Variants in GLB1L3 observed in about 807,000 individuals in gnomAD.
GLB1L3 encodes galactosidase beta 1 like 3.
GLB1L3 carries 89 observed loss-of-function variants against 89.5 expected under a neutral mutation model. The observed-to-expected ratio is 0.99, with a 90% CI of 0.84 to 1.19. The LOEUF (loss-of-function observed/expected upper bound fraction) is 1.19, where lower values mean the gene tolerates loss of function less well. GLB1L3 is among the 50% of genes most tolerant of loss of function. GLB1L3 has a pLI of 0.00. For synonymous variants in GLB1L3, 314 were observed against 312.3 expected (o/e 1.01, Z -0.06); for missense variants, 812 against 813.3 (o/e 1.00, Z 0.02).
At chr11:134,307,870 G>A (rs1252551872) in intron 10 of GLB1L3, among the ~76,000 whole-genome samples, 1 of 152,148 alleles carries the variant, frequency 6.6e-6, no homozygotes, top group African/African-American at 2.4e-5. Flanking sequence ...TTAGAGCAAT[G>A]CCTGGCAGTC....
At chr11:134,305,140 T>G in intron 9 of GLB1L3, 3 of 1,524,472 alleles carry the variant, frequency 2.0e-6, no homozygotes, top group Non-Finnish European at 2.7e-6. Context: ...GCAGGACTGC[T>G]CTCAGATGCC....
intron 3 of GLB1L3, among the ~76,000 whole-genome samples, chr11:134,280,850 C>T (rs1281679454): frequency 6.6e-6 from 1 of 152,186 alleles, no homozygotes; most frequent in Admixed American, 6.5e-5. Flanking sequence ...CAAAAAAACA[C>T]AGTTGCCTAG....
At chr11:134,287,249 C>T (rs1053007215) in intron 6 of GLB1L3, 22 of 152,266 alleles carry the variant, frequency 1.4e-4, no homozygotes, top group African/African-American at 1.2e-4. Context: ...ATGTATGCAA[C>T]GAGGAAAGCT....
At chr11:134,304,013 T>C (rs1942068232) in intron 9 of GLB1L3, among the ~76,000 whole-genome samples, 1 of 152,160 alleles carries the variant, frequency 6.6e-6, no homozygotes, top group South Asian at 2.1e-4. Flanking sequence ...TTTTGTTTTC[T>C]GCAGTTGAAC....
downstream of GLB1L3, among the ~76,000 whole-genome samples, chr11:134,320,635 T>C (rs186922981): frequency 5.1e-4 from 77 of 151,962 alleles, no homozygotes; most frequent in East Asian, 0.014. Context: ...CAAATATGAA[T>C]GCAAAAATGC....
intron 6 of GLB1L3, among the ~76,000 whole-genome samples, chr11:134,286,372 G>A (rs543015364): frequency 3.3e-5 from 5 of 152,338 alleles, no homozygotes; most frequent in Middle Eastern, 3.4e-3. Flanking sequence ...CTCTGGCTCC[G>A]TTAGGTGGAG....
intron 10 of GLB1L3, among the ~76,000 whole-genome samples, chr11:134,308,555 A>T (rs1215765000): frequency 6.3e-5 from 1 of 15,932 alleles, no homozygotes; most frequent in Non-Finnish European, 1.4e-4. Flanking sequence ...CACCATCACC[A>T]TCACCACCAC....
chr11:134,315,143 C>T (rs1240387894), intron 18 of GLB1L3, among the ~76,000 whole-genome samples: 2 of 152,126 alleles, frequency 1.3e-5, no homozygotes, highest in Non-Finnish European at 2.9e-5. Flanking sequence ...GAGGTTCAGC[C>T]ATTTATCGAT....
At chr11:134,317,276 G>C (rs1299505417) in intron 18 of GLB1L3, among the ~76,000 whole-genome samples, 1 of 152,056 alleles carries the variant, frequency 6.6e-6, no homozygotes, top group African/African-American at 2.4e-5. Flanking sequence ...TAGTATTCTT[G>C]GTTGCCAGTT....
intron 13 of GLB1L3, chr11:134,311,371 G>A: frequency 3.5e-6 from 2 of 565,758 alleles, no homozygotes; most frequent in Non-Finnish European, 6.3e-6. Flanking sequence ...GCAGGGGAGG[G>A]GCAGCAGGAC....
chr11:134,278,276 C>CA (rs3832769), intron 3 of GLB1L3, among the ~76,000 whole-genome samples: 11 of 151,500 alleles, frequency 7.3e-5, no homozygotes, highest in South Asian at 2.1e-4. Context: ...GTTTTTAAAA[C>CA]AAAAAAAAAT....
intron 1 of GLB1L3, 91 bp downstream of exon 1, chr11:134,276,854 G>T: frequency 8.7e-7 from 1 of 1,146,458 alleles, no homozygotes. Flanking sequence ...GGCCGGCCAC[G>T]CGCCCCAGGC....
chr11:134,282,031 C>T lies in GLB1L3; in HGVS notation c.438C>T (p.Phe146=), dbSNP rs369116323. The T allele has an allele frequency of 2.2e-5, 35 of 1,570,628 alleles. No homozygotes were observed. The Middle Eastern group carries it at 6.4e-4, about 29-fold the overall frequency. The change falls in exon 5 of 20, where the codon TTC becomes TTT. Residue 146 remains phenylalanine, a synonymous_variant. Coordinates refer to ENST00000431683, the MANE Select transcript of GLB1L3 (RefSeq NM_001080407.3). ...DFSGNLDLEA[F]VLMAAEIGLW... ...ACGATGTGGACCTCCCTAGGGCCTT[C>T]GTCCTGATGGCCGCAGAGATCGGGC...
At chr11:134,278,306 TTTG>T (rs1940491217) in intron 3 of GLB1L3, among the ~76,000 whole-genome samples, 1 of 151,886 alleles carries the variant, frequency 6.6e-6, no homozygotes, top group Middle Eastern at 3.4e-3. Context: ...TGAGACACAG[TTTG>T]TTGTTCTGTT....
chr11:134,311,340 G>GTTTGAC, intron 13 of GLB1L3, 170 bp downstream of exon 13: 1 of 627,832 alleles, frequency 1.6e-6, no homozygotes, highest in Non-Finnish European at 2.8e-6. Context: ...CTGTGAAGGG[G>GTTTGAC]TTTGACCTTG....
chr11:134,282,372 G>A (rs936396414), intron 5 of GLB1L3, among the ~76,000 whole-genome samples: 1 of 151,992 alleles, frequency 6.6e-6, no homozygotes, highest in Non-Finnish European at 1.5e-5. Flanking sequence ...TGGGGCCTTG[G>A]GCATGCGGTC....
chr11:134,288,733 T>A, intron 6 of GLB1L3, 65 bp from the exon 7 acceptor site: 1 of 1,212,874 alleles, frequency 8.2e-7, no homozygotes, highest in Non-Finnish European at 1.2e-6. Context: ...GGCAGCAAGC[T>A]CAGAGACTCC....
chr11:134,308,519 A>AAATACCACCACCACCACCC (rs1942499292), intron 10 of GLB1L3, among the ~76,000 whole-genome samples: 1 of 53,398 alleles, frequency 1.9e-5, no homozygotes, highest in South Asian at 6.6e-4. Flanking sequence ...CACCACCACC[A>AAATACCACCACCACCACCC]TGTCCACCAC....
chr11:134,292,083 C>A, intron 7 of GLB1L3, 49 bp from the exon 8 acceptor site: 2 of 1,343,654 alleles, frequency 1.5e-6, no homozygotes, highest in Non-Finnish European at 2.1e-6. Context: ...TTTCTTTTTT[C>A]CCATGGGAAT....
Sources: gnomAD v4.1 joint callset for allele counts (sites outside exome capture counted in the v4.1 genomes callset) on GRCh38, gnomAD v4.1.1 for gene constraint, MANE v1.5 for transcripts, NCBI Gene and HGNC (gene_info 2026-07-23, HGNC 2026-07-21) for gene names.